B3GALT1: variants seen among roughly 807,000 people sequenced by gnomAD.
B3GALT1 encodes the protein UDP-Gal:betaGlcNAc beta 1,3-galactosyltransferase, polypeptide 1.
Under a neutral mutation model 23.2 loss-of-function variants are expected in B3GALT1, and 10 were observed. That is an observed-to-expected ratio of 0.43 (90% confidence interval 0.27 to 0.73). The LOEUF (loss-of-function observed/expected upper bound fraction) is 0.73, where lower values mean the gene tolerates loss of function less well. Ranked by LOEUF, B3GALT1 falls within the 30% of genes least tolerant of loss-of-function variation. The probability of loss-of-function intolerance (pLI) is 0.21; values close to 1 mark genes in which losing one functional copy is unlikely to be tolerated. For synonymous variants in B3GALT1, 156 were observed against 141.5 expected (o/e 1.10, Z -0.73); for missense variants, 299 against 405.4 (o/e 0.74, Z 2.25).
chr2:167,606,319 T>A (rs904847217), intron 2 of B3GALT1, among the ~76,000 whole-genome samples: 1 of 152,204 alleles, frequency 6.6e-6, no homozygotes, highest in Non-Finnish European at 1.5e-5. Context: ...TGAAAGTAAC[T>A]ATTATCACAA....
At chr2:167,482,449 A>G (rs1210244763) in intron 1 of B3GALT1, among the ~76,000 whole-genome samples, 7 of 152,198 alleles carry the variant, frequency 4.6e-5, no homozygotes, top group Non-Finnish European at 8.8e-5. Flanking sequence ...CTTAGACACT[A>G]CATTTTCACA....
At chr2:167,825,542 C>T (rs78829354) in intron 4 of B3GALT1, among the ~76,000 whole-genome samples, 3,107 of 150,484 alleles carry the variant, frequency 0.021, 51 homozygotes, top group South Asian at 0.037. Flanking sequence ...CAATAGAAGA[C>T]AATTCTCTTA....
Position 167,699,822 on chromosome 2 carries a change from C to T in B3GALT1, c.-352+52856C>T, listed in dbSNP as rs534224278. ...CCACCTCCCAGGTTCAAGTGATTCT[C>T]CTGCCTCAGCCTACTGAGTAGTTGG... On this transcript the variant is annotated intron_variant, in intron 3 of 4. Transcript: ENST00000392690. 2.0e-5 allele frequency among the ~76,000 whole-genome samples: 3 copies of T among 152,238 alleles called. No homozygotes were observed. In the East Asian group the frequency reaches 5.8e-4, roughly 29 times the overall value.
chr2:167,377,501 G>A (rs1559079509), intron 1 of B3GALT1, among the ~76,000 whole-genome samples: 1 of 151,928 alleles, frequency 6.6e-6, no homozygotes, highest in Non-Finnish European at 1.5e-5. Flanking sequence ...TATGAATCAG[G>A]GTGCTCTAAT....
At position 167,849,488 on chromosome 2, in the gene B3GALT1, C is replaced by G. The variant is rs555259731; in HGVS notation, c.-229-19323C>G. ...AAAAATATGAAGTGAGGAAAGGACA[C>G]CCTTTTCAACAAATGGTGCTGGGAT... is the stretch of plus-strand genomic sequence containing the variant. On this transcript the variant is annotated intron_variant, in intron 4 of 4. Transcript: ENST00000392690. 2.4e-3 allele frequency among the ~76,000 whole-genome samples: 363 copies of G among 152,282 alleles called. 1 individual carries two copies. Among genetic ancestry groups the G allele is most frequent in the African/African-American group, 8.4e-3 (351 of 41,560 alleles).
intron 2 of B3GALT1, among the ~76,000 whole-genome samples, chr2:167,537,778 C>G (rs1014900985): frequency 1.3e-5 from 2 of 151,934 alleles, no homozygotes; most frequent in East Asian, 3.9e-4. Flanking sequence ...TTTCTAAAAG[C>G]CTGAAGCCTT....
Position 167,633,085 on chromosome 2 carries a change from A to G in B3GALT1, c.-409-13824A>G, listed in dbSNP as rs199568625. 7.9e-5 allele frequency among the ~76,000 whole-genome samples: 12 copies of G among 151,982 alleles called. No homozygotes were observed. In the East Asian group the frequency reaches 1.7e-3, roughly 22 times the overall value. On this transcript the variant is annotated intron_variant, in intron 2 of 4. Coordinates refer to ENST00000392690, the MANE Select transcript of B3GALT1 (RefSeq NM_020981.4). ...TCCCCATTGTTTGAAAATGATGGAG[A>G]GAATGGAACCAAGTTGGAAAACAGT...
chr2:167,312,599 A>G (rs917814293), intron 1 of B3GALT1, among the ~76,000 whole-genome samples: 1 of 152,126 alleles, frequency 6.6e-6, no homozygotes, highest in Admixed American at 6.6e-5. Flanking sequence ...ACATCATAAT[A>G]TTTTGATAAT....
intron 3 of B3GALT1, among the ~76,000 whole-genome samples, chr2:167,782,679 G>T (rs893202465): frequency 6.6e-6 from 1 of 152,080 alleles, no homozygotes; most frequent in African/African-American, 2.4e-5. Flanking sequence ...CCCAGCTCCT[G>T]GGGGGGAAAG....
At chr2:167,431,101 T>C (rs1429765444) in intron 1 of B3GALT1, among the ~76,000 whole-genome samples, 4 of 152,200 alleles carry the variant, frequency 2.6e-5, no homozygotes, top group African/African-American at 9.7e-5. Flanking sequence ...TGATAGCCAA[T>C]TGAGTGGATA....
chr2:167,660,040 C>T (rs932257595), intron 3 of B3GALT1, among the ~76,000 whole-genome samples: 1 of 152,050 alleles, frequency 6.6e-6, no homozygotes, highest in East Asian at 1.9e-4. Context: ...TAAAACTCTT[C>T]GTATCACTGC....
At chr2:167,313,766 A>G (rs1450092102) in intron 1 of B3GALT1, among the ~76,000 whole-genome samples, 1 of 152,184 alleles carries the variant, frequency 6.6e-6, no homozygotes, top group Admixed American at 6.5e-5. Flanking sequence ...CAGATGCACA[A>G]CAAGCTAGTT....
chr2:167,644,220 C>T (rs1170173525), intron 2 of B3GALT1, among the ~76,000 whole-genome samples: 2 of 152,152 alleles, frequency 1.3e-5, no homozygotes, highest in South Asian at 2.1e-4. Flanking sequence ...GGTCAAAAGT[C>T]AGAGTAGGGT....
In B3GALT1 at chr2:167,870,098, G is replaced by A. The variant is rs575982254; in HGVS notation, c.*78G>A. ...AAGGTGTTGGTATTTTCCAGGTGTC[G>A]GGGGAAATGAACTGGTGAAGGGGTT... is the stretch of plus-strand genomic sequence containing the variant. On this transcript the variant is annotated 3_prime_UTR_variant, in exon 5 of 5. Transcript: ENST00000392690. 223 of 1,415,096 alleles carry A rather than the reference G, an allele frequency of 1.6e-4. No homozygotes were observed. Among genetic ancestry groups the A allele is most frequent in the East Asian group, 4.0e-4 (17 of 42,558 alleles). The allele number at this position is 1,415,096 out of a possible 1,614,324, so 87.7% of individuals were successfully genotyped here.
At chr2:167,498,384 A>C (rs1046645955) in intron 2 of B3GALT1, among the ~76,000 whole-genome samples, 2 of 152,206 alleles carry the variant, frequency 1.3e-5, no homozygotes, top group African/African-American at 4.8e-5. Context: ...GTAAGAATTA[A>C]AATGTAGCAA....
intron 2 of B3GALT1, among the ~76,000 whole-genome samples, chr2:167,583,329 A>C (rs1037743309): frequency 2.0e-5 from 3 of 151,830 alleles, no homozygotes; most frequent in African/African-American, 7.3e-5. Flanking sequence ...TCTTCTCTAC[A>C]TTTTGGGAAA....
intron 3 of B3GALT1, among the ~76,000 whole-genome samples, chr2:167,656,903 G>A (rs138758598): frequency 6.6e-6 from 1 of 152,170 alleles, no homozygotes; most frequent in African/African-American, 2.4e-5. Flanking sequence ...AACAAATACC[G>A]AGAACCTATA....
At chr2:167,713,898 G>C in intron 3 of B3GALT1, 1 of 1,582,502 alleles carries the variant, frequency 6.3e-7, no homozygotes, top group Non-Finnish European at 8.7e-7. Flanking sequence ...ATGGTTCCTG[G>C]AGGAGGTTGG....
intron 3 of B3GALT1, among the ~76,000 whole-genome samples, chr2:167,665,766 A>G (rs979313192): frequency 2.6e-5 from 4 of 152,144 alleles, no homozygotes; most frequent in African/African-American, 4.8e-5. Context: ...TGTTTGTACT[A>G]TTCTCTGATG....
Sources: gnomAD v4.1 joint callset for allele counts (sites outside exome capture counted in the v4.1 genomes callset) on GRCh38, gnomAD v4.1.1 for gene constraint, MANE v1.5 for transcripts, NCBI Gene and HGNC (gene_info 2026-07-23, HGNC 2026-07-21) for gene names.